JARID2: variants seen among roughly 807,000 people sequenced by gnomAD.
JARID2 encodes protein Jumonji.
JARID2 carries 21 observed loss-of-function variants against 125.6 expected under a neutral mutation model. The ratio of observed to expected loss-of-function variants is 0.17; its 90% confidence interval spans 0.12 to 0.24. The LOEUF (loss-of-function observed/expected upper bound fraction) is 0.24, where lower values mean the gene tolerates loss of function less well. JARID2 is among the 10% of genes least tolerant of loss of function. The pLI is 1.00. For missense variants in JARID2, 1,303 were observed against 1,639.6 expected, an observed-to-expected ratio of 0.79 and a Z score of 3.55; for synonymous variants, 736 against 661.6, an observed-to-expected ratio of 1.11 and a Z score of -1.73.
intron 2 of JARID2, among the ~76,000 whole-genome samples, chr6:15,407,417 T>C (rs1010588083): frequency 5.3e-5 from 8 of 152,224 alleles, no homozygotes; most frequent in African/African-American, 1.9e-4. Context: ...CAGATTCATT[T>C]TGTCAGGAGG....
intron 7 of JARID2, among the ~76,000 whole-genome samples, chr6:15,499,278 G>T (rs1032962475): frequency 6.6e-6 from 1 of 152,148 alleles, no homozygotes; most frequent in Admixed American, 6.5e-5. Context: ...CTCTGTGTAG[G>T]TTCACTTCCA....
intron 2 of JARID2, among the ~76,000 whole-genome samples, chr6:15,387,961 G>A (rs780080342): frequency 7.2e-5 from 11 of 152,062 alleles, no homozygotes; most frequent in Admixed American, 7.2e-4. Flanking sequence ...TATTCTTGAC[G>A]TGTAATAGAA....
chr6:15,367,233 ATTT>A (rs1420684354), intron 1 of JARID2, among the ~76,000 whole-genome samples: 2 of 152,206 alleles, frequency 1.3e-5, no homozygotes, highest in African/African-American at 2.4e-5. Context: ...CAGAAAATTG[ATTT>A]TTAATTGATC....
At chr6:15,354,788 T>G (rs990317111) in intron 1 of JARID2, among the ~76,000 whole-genome samples, 1 of 152,190 alleles carries the variant, frequency 6.6e-6, no homozygotes, top group Non-Finnish European at 1.5e-5. Context: ...TACCTACCCC[T>G]ACAAGCAAGA....
At chr6:15,291,727 C>T (rs1209198447) in intron 1 of JARID2, among the ~76,000 whole-genome samples, 1 of 152,194 alleles carries the variant, frequency 6.6e-6, no homozygotes, top group Non-Finnish European at 1.5e-5. Flanking sequence ...AACACAGAAA[C>T]CACAGAAATG....
chr6:15,422,992 T>A (rs964660525), intron 3 of JARID2, among the ~76,000 whole-genome samples: 6 of 151,216 alleles, frequency 4.0e-5, no homozygotes, highest in Non-Finnish European at 5.9e-5. Flanking sequence ...AGTCTTTTTT[T>A]TTTTTTTTTT....
chr6:15,351,074 A>T (rs1339496569), intron 1 of JARID2, among the ~76,000 whole-genome samples: 1 of 152,084 alleles, frequency 6.6e-6, no homozygotes, highest in Non-Finnish European at 1.5e-5. Context: ...AGTGGTATGT[A>T]ATAAAATACA....
rs187375022 is a variant in JARID2 at position 15,275,104 on chromosome 6, C to A, written c.45+28520C>A. ...TGTGACTTGGGGTGACAACCTCGGA[C>A]CAGTGGAGAAGGTGTGTGGGCAGCA... On this transcript the variant is annotated intron_variant, in intron 1 of 17. Coordinates refer to ENST00000341776, the MANE Select transcript of JARID2 (RefSeq NM_004973.4). Among the ~76,000 whole-genome samples, 104 of 152,212 alleles carry A rather than the reference C, an allele frequency of 6.8e-4. No homozygotes were observed. In the South Asian group the frequency reaches 0.011, roughly 15 times the overall value.
rs957547521 is a variant in JARID2, at chr6:15,483,310, G to A, written c.671-3997G>A. On this transcript the variant is annotated intron_variant, in intron 5 of 17. Transcript: ENST00000341776. Reference sequence around the variant, plus strand: ...AATAGCATCTTGTCACACAAAGTATGTGTGCTCAGGGGCCATGATTCAGTC... The same window carrying A: ...AATAGCATCTTGTCACACAAAGTATATGTGCTCAGGGGCCATGATTCAGTC... Among the ~76,000 whole-genome samples the A allele has an allele frequency of 6.6e-5, 10 of 151,928 alleles. No homozygotes were observed. The East Asian group carries it at 1.7e-3, about 26-fold the overall frequency.
At chr6:15,511,198 C>CCCAA in intron 12 of JARID2, 98 bp from the exon 13 acceptor site, 1 of 817,834 alleles carries the variant, frequency 1.2e-6, no homozygotes, top group Non-Finnish European at 2.1e-6. Context: ...CAGAGCCTCT[C>CCCAA]GTGTGCTCGG....
At chr6:15,315,279 A>G (rs1762142082) in intron 1 of JARID2, among the ~76,000 whole-genome samples, 1 of 152,254 alleles carries the variant, frequency 6.6e-6, no homozygotes, top group African/African-American at 2.4e-5. Context: ...CTTCCTTCAG[A>G]TGCCAGGTAG....
chr6:15,340,308 C>T (rs1179096323), intron 1 of JARID2, among the ~76,000 whole-genome samples: 1 of 152,200 alleles, frequency 6.6e-6, no homozygotes, highest in Non-Finnish European at 1.5e-5. Flanking sequence ...AAGCTGATGT[C>T]CAGTGAGGTC....
At chr6:15,343,857 G>A (rs577433692) in intron 1 of JARID2, among the ~76,000 whole-genome samples, 6 of 152,188 alleles carry the variant, frequency 3.9e-5, no homozygotes, top group African/African-American at 1.2e-4. Context: ...GAATAACTTC[G>A]GTGCCCTGGA....
At chr6:15,311,492 C>CTTGAACCAGGCTGAG (rs1561785460) in intron 1 of JARID2, among the ~76,000 whole-genome samples, 1 of 152,158 alleles carries the variant, frequency 6.6e-6, no homozygotes, top group Non-Finnish European at 1.5e-5. Context: ...GCAGGAGAAT[C>CTTGAACCAGGCTGAG]GCTTGAACCT....
At chr6:15,491,993 G>T (rs768088111) in intron 6 of JARID2, among the ~76,000 whole-genome samples, 4 of 152,208 alleles carry the variant, frequency 2.6e-5, no homozygotes, top group African/African-American at 4.8e-5. Context: ...CTGGCCGAAC[G>T]TAACTTGAAA....
chr6:15,489,498 C>G (rs1300071527), intron 6 of JARID2, among the ~76,000 whole-genome samples: 2 of 152,246 alleles, frequency 1.3e-5, no homozygotes, highest in African/African-American at 4.8e-5. Flanking sequence ...CTGGTCAGAG[C>G]TCACTCTCAG....
At chr6:15,267,100 A>C (rs1330680528) in intron 1 of JARID2, among the ~76,000 whole-genome samples, 1 of 152,180 alleles carries the variant, frequency 6.6e-6, no homozygotes, top group African/African-American at 2.4e-5. Flanking sequence ...GACATATTGC[A>C]ACTTACTGGA....
chr6:15,300,722 TGA>T (rs57766040), intron 1 of JARID2, among the ~76,000 whole-genome samples: 6,302 of 110,326 alleles, frequency 0.057, 142 homozygotes, highest in Non-Finnish European at 0.075. Context: ...TGTGTGTGTG[TGA>T]GAGAGAGAGA....
At chr6:15,392,143 G>T (rs1765042264) in intron 2 of JARID2, among the ~76,000 whole-genome samples, 1 of 151,886 alleles carries the variant, frequency 6.6e-6, no homozygotes. Flanking sequence ...TTTGTCCAGA[G>T]TATTAGTTGA....
Sources: gnomAD v4.1 joint callset for allele counts (sites outside exome capture counted in the v4.1 genomes callset) on GRCh38, gnomAD v4.1.1 for gene constraint, MANE v1.5 for transcripts, NCBI Gene and HGNC (gene_info 2026-07-23, HGNC 2026-07-21) for gene names.